The following LINC00632 variants were observed in gnomAD, a reference collection of about 807,000 sequenced individuals.
LINC00632 encodes the protein long independently transcribed non-coding RNA 632, also known as ALDOA related specific transcript.
At chrX:140,785,207 TAAC>T (rs1001813973) in exon 5 of LINC00632, among the ~76,000 whole-genome samples, 1 of 110,194 alleles carries the variant, frequency 9.1e-6, no homozygotes, top group East Asian at 2.8e-4. Flanking sequence ...ATAATAATAA[TAAC>T]AACAACAACA....
At chrX:140,747,858 A>C in intron 3 of LINC00632, among the ~76,000 whole-genome samples, 1 of 110,418 alleles carries the variant, frequency 9.1e-6, no homozygotes, top group Middle Eastern at 4.3e-3. Context: ...ACAGAGTTTC[A>C]CTCTTGTCGC....
intron 2 of LINC00632, among the ~76,000 whole-genome samples, chrX:140,722,201 G>A (rs754781957): frequency 9.0e-6 from 1 of 110,537 alleles, no homozygotes; most frequent in Non-Finnish European, 1.9e-5. Flanking sequence ...GACCTAGACT[G>A]GCCCGATAAG....
chrX:140,774,356 C>T (rs1234210599), intron 4 of LINC00632, among the ~76,000 whole-genome samples: 1 of 112,182 alleles, frequency 8.9e-6, no homozygotes, highest in African/African-American at 3.2e-5. Context: ...TAGTAATAAA[C>T]TTCCAAACAA....
intron 3 of LINC00632, among the ~76,000 whole-genome samples, chrX:140,744,338 C>A (rs769666140): frequency 1.0e-4 from 11 of 110,373 alleles, no homozygotes; most frequent in Non-Finnish European, 1.7e-4. Flanking sequence ...AGCATTACTT[C>A]TAAACCTGTG....
chrX:140,759,096 CT>C (rs757709910), intron 3 of LINC00632, among the ~76,000 whole-genome samples: 1 of 106,285 alleles, frequency 9.4e-6, no homozygotes, highest in Admixed American at 1.0e-4. Flanking sequence ...TCCCGAATAG[CT>C]GGGATTACGG....
intron 2 of LINC00632, among the ~76,000 whole-genome samples, chrX:140,729,143 G>A (rs57179286): frequency 0.047 from 5,204 of 110,816 alleles, 332 homozygotes; most frequent in African/African-American, 0.16. Context: ...GGCTGACCTT[G>A]TAGCACACAG....
intron 2 of LINC00632, among the ~76,000 whole-genome samples, chrX:140,732,142 T>G (rs934824742): frequency 9.0e-5 from 10 of 110,675 alleles, no homozygotes; most frequent in African/African-American, 3.3e-4. Flanking sequence ...AGGCAGAGGT[T>G]GCAGTGAGCC....
chrX:140,770,146 T>A (rs1326456869), intron 3 of LINC00632, among the ~76,000 whole-genome samples: 3 of 110,731 alleles, frequency 2.7e-5, no homozygotes, highest in African/African-American at 9.9e-5. Context: ...AGTGACTCCA[T>A]CTTGAGTAGG....
intron 2 of LINC00632, among the ~76,000 whole-genome samples, chrX:140,731,987 C>T (rs111852280): frequency 0.032 from 3,560 of 110,739 alleles, 67 homozygotes; most frequent in Non-Finnish European, 0.053. Context: ...GTGGATCACC[C>T]GAGGTCAGGA....
At chrX:140,779,282 G>A (rs931702495) in exon 5 of LINC00632, among the ~76,000 whole-genome samples, 4 of 111,334 alleles carry the variant, frequency 3.6e-5, no homozygotes, top group African/African-American at 1.3e-4. Context: ...GGGGAGAAAG[G>A]GCAGCCCAGG....
At chrX:140,784,420 C>T (rs184339915) in exon 5 of LINC00632, 317 of 1,165,310 alleles carry the variant, frequency 2.7e-4, no homozygotes, top group Admixed American at 8.0e-4. Context: ...AACTAAGCTA[C>T]GTCTTCCAAC....
At chrX:140,766,099 G>T (rs894123207) in intron 3 of LINC00632, among the ~76,000 whole-genome samples, 9 of 111,764 alleles carry the variant, frequency 8.1e-5, no homozygotes, top group African/African-American at 2.9e-4. Flanking sequence ...CCTGGAATGG[G>T]GAAAAGGTGG....
intron 2 of LINC00632, among the ~76,000 whole-genome samples, chrX:140,719,588 G>A (rs1930694273): frequency 9.3e-6 from 1 of 107,736 alleles, no homozygotes; most frequent in African/African-American, 3.4e-5. Flanking sequence ...GAGCCACCAC[G>A]CCTGGCCTCA....
chrX:140,740,930 A>G (rs1931216377), intron 3 of LINC00632, among the ~76,000 whole-genome samples: 1 of 112,121 alleles, frequency 8.9e-6, no homozygotes, highest in African/African-American at 3.2e-5. Context: ...CTCATAACAT[A>G]GGATTCATAA....
chrX:140,779,204 G>A (rs1438293057), exon 5 of LINC00632, among the ~76,000 whole-genome samples: 2 of 110,120 alleles, frequency 1.8e-5, no homozygotes, highest in East Asian at 5.7e-4. Context: ...GTATTACAAA[G>A]TGCATGGAAA....
rs1333140902 is a variant in LINC00632, at chrX:140,783,785, C to T, written n.11804C>T. 1.1e-5 allele frequency: 13 copies of T among 1,208,247 alleles called. No homozygotes were observed. The East Asian group carries it at 2.4e-4, about 22-fold the overall frequency. ...AGCCAATATATGTCTTCCTGAAGAT[C>T]CACGTCTTCCAGAAAATCCATGTCT... On this transcript the variant is annotated non_coding_transcript_exon_variant, in exon 5 of 5. Coordinates refer to ENST00000648200, the Ensembl canonical transcript of LINC00632.
chrX:140,767,031 C>T (rs961724454), intron 3 of LINC00632, among the ~76,000 whole-genome samples: 2 of 111,425 alleles, frequency 1.8e-5, no homozygotes, highest in African/African-American at 6.5e-5. Context: ...AAGGTGGAGG[C>T]CTTCTTTTTT....
chrX:140,724,611 A>C (rs893391515), intron 2 of LINC00632, among the ~76,000 whole-genome samples: 7 of 54,573 alleles, frequency 1.3e-4, no homozygotes, highest in Non-Finnish European at 2.5e-4. Flanking sequence ...GTACACACAC[A>C]CACAAACACA....
intron 3 of LINC00632, among the ~76,000 whole-genome samples, chrX:140,762,915 G>A (rs1196811432): frequency 8.9e-6 from 1 of 111,734 alleles, no homozygotes; most frequent in East Asian, 2.8e-4. Flanking sequence ...GCAGATCCCT[G>A]GGCTAATGTT....
Sources: allele counts gnomAD v4.1 joint callset (sites outside exome capture counted in the v4.1 genomes callset), GRCh38; gene constraint gnomAD v4.1.1; transcripts MANE v1.5; gene names NCBI Gene and HGNC (gene_info 2026-07-23, HGNC 2026-07-21).